SPRY3: variants seen among roughly 807,000 people sequenced by gnomAD.
The protein encoded by SPRY3 is sprouty RTK signaling antagonist 3.
In SPRY3, 15 loss-of-function variants were observed where a neutral mutation model predicts 20.2. That is an observed-to-expected ratio of 0.74 (90% confidence interval 0.50 to 1.14). The LOEUF (loss-of-function observed/expected upper bound fraction) is 1.14. Among genes scored for constraint, SPRY3 ranks in the 50% most tolerant of loss-of-function variants. The probability of loss-of-function intolerance (pLI) is 0.00; values close to 1 mark genes in which losing one functional copy is unlikely to be tolerated. For synonymous variants in SPRY3, 143 were observed against 136.5 expected (o/e 1.05, Z -0.33); for missense variants, 364 against 363.9 (o/e 1.00, Z 0.00).
At chrX:155,636,205 G>C (rs1338739662) in intron 1 of SPRY3, among the ~76,000 whole-genome samples, 1 of 111,675 alleles carries the variant, frequency 9.0e-6, no homozygotes, top group African/African-American at 3.3e-5. Context: ...AATCAGGAAA[G>C]GCTACTCTAC....
chrX:155,668,447 C>A (rs1228711762), intron 2 of SPRY3, among the ~76,000 whole-genome samples: 4 of 110,956 alleles, frequency 3.6e-5, no homozygotes, highest in African/African-American at 1.3e-4. Context: ...CCAGAGGGAA[C>A]TTTCTAGGGT....
At chrX:155,616,985 T>C (rs1273825071) in intron 1 of SPRY3, among the ~76,000 whole-genome samples, 1 of 108,893 alleles carries the variant, frequency 9.2e-6, no homozygotes, top group Non-Finnish European at 1.9e-5. Flanking sequence ...ATTAGGATAA[T>C]TTATAAAGGT....
At chrX:155,728,078 G>T (rs1187394247) in intron 2 of SPRY3, among the ~76,000 whole-genome samples, 1 of 152,172 alleles carries the variant, frequency 6.6e-6, no homozygotes, top group Non-Finnish European at 1.5e-5. Flanking sequence ...GTTGGAGTTT[G>T]CTGGAGGTCC....
intron 2 of SPRY3, among the ~76,000 whole-genome samples, chrX:155,759,167 G>A (rs1481772143): frequency 6.6e-6 from 1 of 150,734 alleles, no homozygotes; most frequent in Admixed American, 6.6e-5. Flanking sequence ...GGGATTACAA[G>A]CGCCCACCAT....
chrX:155,626,898 C>T (rs2067889970), intron 1 of SPRY3, among the ~76,000 whole-genome samples: 1 of 111,355 alleles, frequency 9.0e-6, no homozygotes, highest in Non-Finnish European at 1.9e-5. Flanking sequence ...GGTTTCAAAT[C>T]ATTCTACCCC....
chrX:155,693,605 T>C (rs1199637513), intron 2 of SPRY3, among the ~76,000 whole-genome samples: 1 of 111,818 alleles, frequency 8.9e-6, no homozygotes, highest in Non-Finnish European at 1.9e-5. Context: ...ATTTTAGGGT[T>C]GTTTATTTCT....
At chrX:155,763,467 A>G (rs2091312360) in intron 2 of SPRY3, among the ~76,000 whole-genome samples, 1 of 152,034 alleles carries the variant, frequency 6.6e-6, no homozygotes, top group Non-Finnish European at 1.5e-5. Context: ...CCTATATATC[A>G]TGCCCAGTGT....
chrX:155,729,661 A>T (rs1289054921), intron 2 of SPRY3, among the ~76,000 whole-genome samples: 1 of 152,062 alleles, frequency 6.6e-6, no homozygotes, highest in Non-Finnish European at 1.5e-5. Context: ...GAACTAGAAA[A>T]GCAAGAGCAA....
chrX:155,746,715 G>C (rs1013954739), intron 2 of SPRY3, among the ~76,000 whole-genome samples: 41 of 151,900 alleles, frequency 2.7e-4, no homozygotes, highest in Non-Finnish European at 5.3e-4. Context: ...AATTCTGGAA[G>C]GACTAACCTG....
At chrX:155,660,216 A>C (rs1182523473) in intron 2 of SPRY3, among the ~76,000 whole-genome samples, 29 of 111,410 alleles carry the variant, frequency 2.6e-4, no homozygotes, top group Non-Finnish European at 7.5e-5. Flanking sequence ...TCTTTGGTTC[A>C]TTGTGTCTGT....
intron 3 of SPRY3, among the ~76,000 whole-genome samples, chrX:155,773,499 G>T (rs1479906492): frequency 6.6e-6 from 1 of 151,848 alleles, no homozygotes; most frequent in South Asian, 2.1e-4. Flanking sequence ...TGAGCTAGCT[G>T]CTCCTGTGAA....
chrX:155,763,514 C>T lies in SPRY3; in HGVS notation c.-281-4448C>T, dbSNP rs762033534. Reference sequence around the variant, plus strand: ...ATGTGGCTTATTTTCATATTTTATTCCTTTGTTCTAAAATTTATTTCTAAT... The same window carrying T: ...ATGTGGCTTATTTTCATATTTTATTTCTTTGTTCTAAAATTTATTTCTAAT... On this transcript the variant is annotated intron_variant, in intron 2 of 3. Coordinates refer to ENST00000675360, the Ensembl canonical transcript of SPRY3. 1.3e-3 allele frequency among the ~76,000 whole-genome samples: 205 copies of T among 152,144 alleles called. 2 individuals carry two copies. Among genetic ancestry groups the T allele is most frequent in the Admixed American group, 1.8e-3 (27 of 15,274 alleles).
At chrX:155,723,695 A>G (rs1012868869) in intron 2 of SPRY3, among the ~76,000 whole-genome samples, 1 of 152,076 alleles carries the variant, frequency 6.6e-6, no homozygotes, top group Non-Finnish European at 1.5e-5. Flanking sequence ...CCTTTGTCAG[A>G]TGGGTAGATG....
intron 1 of SPRY3, among the ~76,000 whole-genome samples, chrX:155,646,680 T>A (rs782603428): frequency 8.9e-6 from 1 of 112,093 alleles, no homozygotes; most frequent in Non-Finnish European, 1.9e-5. Context: ...TCTAACAGTT[T>A]TTTGTGATGC....
chrX:155,630,424 C>T (rs903357946), intron 1 of SPRY3, among the ~76,000 whole-genome samples: 1 of 111,824 alleles, frequency 8.9e-6, no homozygotes, highest in African/African-American at 3.2e-5. Flanking sequence ...TGGTGTTAAA[C>T]TCCCTCAGAT....
intron 2 of SPRY3, among the ~76,000 whole-genome samples, chrX:155,720,649 T>C (rs184115800): frequency 3.7e-4 from 56 of 152,278 alleles, no homozygotes; most frequent in African/African-American, 1.3e-3. Flanking sequence ...CAGGAGTTTC[T>C]GCCTAGTAAT....
intron 2 of SPRY3, among the ~76,000 whole-genome samples, chrX:155,714,564 T>G (rs2091008430): frequency 6.6e-6 from 1 of 152,128 alleles, no homozygotes; most frequent in South Asian, 2.1e-4. Context: ...GGGAGTGTGG[T>G]GATGCAAGCA....
chrX:155,717,238 A>C (rs191573419), intron 2 of SPRY3, among the ~76,000 whole-genome samples: 1,446 of 151,348 alleles, frequency 9.6e-3, no homozygotes, highest in Middle Eastern at 0.069. Flanking sequence ...TTATCTTCCC[A>C]ATCAGCCAAG....
intron 3 of SPRY3, among the ~76,000 whole-genome samples, chrX:155,771,283 A>G (rs2091379779): frequency 6.6e-6 from 1 of 152,110 alleles, no homozygotes; most frequent in Non-Finnish European, 1.5e-5. Context: ...TTTCTGAGTC[A>G]TTTATATTAT....
Sources: gnomAD v4.1 joint callset for allele counts (sites outside exome capture counted in the v4.1 genomes callset) on GRCh38, gnomAD v4.1.1 for gene constraint, MANE v1.5 for transcripts, NCBI Gene and HGNC (gene_info 2026-07-23, HGNC 2026-07-21) for gene names.